Variants in SEMA3A observed in about 807,000 individuals in gnomAD.
SEMA3A encodes semaphorin 3A.
A neutral mutation model predicts 97.9 loss-of-function variants in SEMA3A; 29 were observed. The ratio of observed to expected loss-of-function variants is 0.30; its 90% CI spans 0.22 to 0.40. SEMA3A has a LOEUF of 0.40. Among genes scored for constraint, SEMA3A ranks in the 10% least tolerant of loss-of-function variants. The pLI, the probability that SEMA3A is intolerant of heterozygous loss-of-function variation, is 1.00. For missense variants in SEMA3A, 763 were observed against 951.3 expected (o/e 0.80, Z 2.60); for synonymous variants, 321 against 323.7 (o/e 0.99, Z 0.09).
intron 1 of SEMA3A, among the ~76,000 whole-genome samples, chr7:84,377,725 A>G (rs1189205484): frequency 6.6e-6 from 1 of 152,118 alleles, no homozygotes. Flanking sequence ...ATAAGCTTAG[A>G]TTTTTATTCA....
chr7:84,243,012 G>A, intron 3 of SEMA3A, among the ~76,000 whole-genome samples: 1 of 152,160 alleles, frequency 6.6e-6, no homozygotes, highest in East Asian at 1.9e-4. Context: ...CCGACTTGAT[G>A]TGGTGAATAA....
At chr7:84,344,878 T>A (rs2116001092) in intron 2 of SEMA3A, among the ~76,000 whole-genome samples, 1 of 152,216 alleles carries the variant, frequency 6.6e-6, no homozygotes, top group East Asian at 1.9e-4. Flanking sequence ...AGAAACAGTG[T>A]TAGGGAAACA....
intron 2 of SEMA3A, among the ~76,000 whole-genome samples, chr7:84,350,137 A>G (rs1469834744): frequency 1.3e-5 from 2 of 152,174 alleles, no homozygotes; most frequent in Admixed American, 6.5e-5. Flanking sequence ...CCACATCAAT[A>G]TATTTCCATG....
chr7:84,011,037 A>C lies in SEMA3A; in HGVS notation c.980T>G (p.Val327Gly), dbSNP rs952406204. The C allele has an allele frequency of 6.2e-7, 1 of 1,608,388 alleles. No homozygotes were observed. Among genetic ancestry groups the C allele is most frequent in the Admixed American group, 1.7e-5 (1 of 59,524 alleles). ...AGTTACTTACCTGGAAGTCGTAAAC[A>C]CTCCATATACAACTGGATTTTTAGG... ...KDPKNPVVYGVFTTSSNIFKG... is the reference protein window; with the variant it reads ...KDPKNPVVYGGFTTSSNIFKG... Residue 327 changes from valine to glycine, a missense_variant, in exon 9 of 17, where the codon GTG (valine) becomes GGG (glycine). Physicochemically the swap from Val to Gly is moderately radical, Grantham distance 109 (BLOSUM62 -3). Coordinates refer to ENST00000265362, the MANE Select transcript of SEMA3A (RefSeq NM_006080.3).
intron 1 of SEMA3A, among the ~76,000 whole-genome samples, chr7:84,138,145 T>C (rs1040380355): frequency 6.6e-6 from 1 of 152,168 alleles, no homozygotes; most frequent in African/African-American, 2.4e-5. Flanking sequence ...AAGTTAAATA[T>C]TTGTAGGTTG....
intron 4 of SEMA3A, among the ~76,000 whole-genome samples, chr7:84,090,034 T>C (rs1383009421): frequency 6.6e-6 from 1 of 152,054 alleles, no homozygotes; most frequent in Non-Finnish European, 1.5e-5. Context: ...GAAAATAAAT[T>C]TGAAAAATTA....
intron 2 of SEMA3A, among the ~76,000 whole-genome samples, chr7:84,325,721 A>C (rs1411443063): frequency 3.3e-5 from 5 of 152,120 alleles, no homozygotes; most frequent in Admixed American, 2.0e-4. Context: ...TAGATAATAA[A>C]ATATTTAATT....
At chr7:84,227,240 A>G (rs1216152248) in intron 3 of SEMA3A, among the ~76,000 whole-genome samples, 1 of 151,930 alleles carries the variant, frequency 6.6e-6, no homozygotes, top group Non-Finnish European at 1.5e-5. Context: ...CCAACAGCAC[A>G]GGAGAAATGT....
intron 3 of SEMA3A, among the ~76,000 whole-genome samples, chr7:84,204,588 C>T (rs1477745702): frequency 1.3e-5 from 2 of 152,062 alleles, no homozygotes; most frequent in African/African-American, 4.8e-5. Context: ...GAATCACTTG[C>T]CATAGGTACC....
chr7:84,079,539 C>G (rs1178181064), intron 4 of SEMA3A, among the ~76,000 whole-genome samples: 2 of 151,942 alleles, frequency 1.3e-5, no homozygotes, highest in African/African-American at 4.8e-5. Context: ...AAAAGTGGGC[C>G]AAGGATATGA....
chr7:84,451,594 A>C (rs932843896), intron 1 of SEMA3A, among the ~76,000 whole-genome samples: 65 of 152,176 alleles, frequency 4.3e-4, no homozygotes, highest in African/African-American at 7.2e-5. Flanking sequence ...TTCAGTGGAG[A>C]AGGAACTAAG....
intron 4 of SEMA3A, among the ~76,000 whole-genome samples, chr7:84,087,634 A>G (rs964208179): frequency 3.3e-5 from 5 of 152,220 alleles, no homozygotes; most frequent in African/African-American, 1.2e-4. Flanking sequence ...TGGCTTCCCT[A>G]GAGGACATCT....
chr7:84,016,074 A>G (rs1306214918), intron 6 of SEMA3A, among the ~76,000 whole-genome samples: 1 of 152,046 alleles, frequency 6.6e-6, no homozygotes, highest in Admixed American at 6.6e-5. Flanking sequence ...TATATATTAT[A>G]TATGTAAATA....
At chr7:84,082,402 T>A (rs1407395885) in intron 4 of SEMA3A, among the ~76,000 whole-genome samples, 1 of 151,974 alleles carries the variant, frequency 6.6e-6, no homozygotes, top group African/African-American at 2.4e-5. Flanking sequence ...AAGAAAGGAG[T>A]ACAAAAGAAA....
At chr7:84,077,985 A>C in intron 4 of SEMA3A, among the ~76,000 whole-genome samples, 1 of 152,188 alleles carries the variant, frequency 6.6e-6, no homozygotes, top group African/African-American at 2.4e-5. Flanking sequence ...GATGTTTAAT[A>C]ACTCTACTAT....
At chr7:84,052,438 G>A in intron 5 of SEMA3A, among the ~76,000 whole-genome samples, 1 of 152,128 alleles carries the variant, frequency 6.6e-6, no homozygotes, top group Non-Finnish European at 1.5e-5. Context: ...GTTTAGTCTT[G>A]GGAGAGTGTA....
chr7:83,971,746 T>C (rs1788922339), intron 15 of SEMA3A, among the ~76,000 whole-genome samples: 1 of 152,200 alleles, frequency 6.6e-6, no homozygotes, highest in South Asian at 2.1e-4. Flanking sequence ...TTAGTGGATG[T>C]AGCTTGCCAA....
intron 1 of SEMA3A, among the ~76,000 whole-genome samples, chr7:84,141,201 G>A (rs1465002186): frequency 6.6e-6 from 1 of 152,066 alleles, no homozygotes; most frequent in Non-Finnish European, 1.5e-5. Context: ...TGGTGATGCC[G>A]AGTATATTCT....
At chr7:84,177,825 C>A (rs1797616904) in intron 1 of SEMA3A, among the ~76,000 whole-genome samples, 1 of 152,036 alleles carries the variant, frequency 6.6e-6, no homozygotes, top group East Asian at 1.9e-4. Flanking sequence ...TTACTTCCAC[C>A]CCTTTAAATG....
Sources: gnomAD v4.1 joint callset for allele counts (sites outside exome capture counted in the v4.1 genomes callset) on GRCh38, gnomAD v4.1.1 for gene constraint, MANE v1.5 for transcripts, NCBI Gene and HGNC (gene_info 2026-07-23, HGNC 2026-07-21) for gene names.